DNAH8: variants seen among roughly 807,000 people sequenced by gnomAD.
DNAH8 encodes dynein axonemal heavy chain 8.
DNAH8 carries 382 observed loss-of-function variants against 562.1 expected under a neutral mutation model. The ratio of observed to expected loss-of-function variants is 0.68; its 90% CI spans 0.63 to 0.74. DNAH8 has a LOEUF of 0.74. Ranked by LOEUF, DNAH8 falls within the 30% of genes least tolerant of loss-of-function variation. The pLI is 0.00. For missense variants in DNAH8, 5,203 were observed against 5,620.4 expected (o/e 0.93, Z 2.37); for synonymous variants, 1,881 against 1,919.4 (o/e 0.98, Z 0.52).
At chr6:39,017,341 T>G (rs1027794602) in intron 91 of DNAH8, among the ~76,000 whole-genome samples, 2 of 152,206 alleles carry the variant, frequency 1.3e-5, no homozygotes, top group Admixed American at 6.5e-5. Flanking sequence ...TGTGTGTACA[T>G]GTCTGTGCTG....
Position 38,791,216 on chromosome 6 carries a change from C to A in DNAH8, c.2782-339C>A, listed in dbSNP as rs188638233. On this transcript the variant is annotated intron_variant, in intron 20 of 92. Coordinates refer to ENST00000327475, the MANE Select transcript of DNAH8 (RefSeq NM_001206927.2). The stretch of plus-strand genomic sequence containing the variant: ...CCTGGGTAGGATTCTCTGCCTGTTA[C>A]TAGCTATGTGTTCCTTCCCAGGTTG... Among the ~76,000 whole-genome samples, 24 of 152,284 alleles carry A rather than the reference C, an allele frequency of 1.6e-4. No individual in the cohort carries two copies. In the East Asian group the frequency reaches 3.7e-3, roughly 23 times the overall value.
intron 88 of DNAH8, among the ~76,000 whole-genome samples, chr6:38,994,041 C>T (rs9357294): frequency 0.43 from 61,728 of 142,144 alleles, 12,913 homozygotes; most frequent in East Asian, 0.61. Context: ...TGTGAGTGCC[C>T]ATTTTTTCAG....
At chr6:38,876,320 G>T (rs1203025321) in intron 53 of DNAH8, among the ~76,000 whole-genome samples, 1 of 151,850 alleles carries the variant, frequency 6.6e-6, no homozygotes, top group East Asian at 2.0e-4. Flanking sequence ...CTCCTTAAAA[G>T]AAATGCCTTT....
chr6:38,849,810 T>G (rs1227744600), intron 37 of DNAH8, among the ~76,000 whole-genome samples: 2 of 152,172 alleles, frequency 1.3e-5, no homozygotes, highest in African/African-American at 4.8e-5. Flanking sequence ...GTGGCTTTAC[T>G]GTCTTTTTTC....
rs375687323 is a variant in DNAH8 at position 38,805,487 on chromosome 6, G to A, written c.3041G>A (p.Arg1014Gln). 105 of 1,600,024 alleles carry A rather than the reference G, an allele frequency of 6.6e-5. No individual in the cohort carries two copies. The highest frequency in any genetic ancestry group is 3.0e-4 in the South Asian group (27 of 90,722). Residue 1014 changes from arginine (R) to glutamine (Q), a missense_variant, in exon 23 of 93, where the codon CGG becomes CAG. Around this residue, in one of 6 missense-constraint regions of DNAH8, gnomAD observed 2,176 missense variants for 2,365.1 expected, o/e 0.92. Coordinates refer to ENST00000327475, the MANE Select transcript of DNAH8 (RefSeq NM_001206927.2). ...TTTTGTCTTTTGTCTATAGAACAGC[G>A]GAAACACGTTGTTTTTGGAAGTGAA... ...TGKVGKQSEQ[R>Q]KHVVFGSETG...
intron 9 of DNAH8, among the ~76,000 whole-genome samples, chr6:38,751,803 T>C (rs1765480181): frequency 6.6e-6 from 1 of 152,210 alleles, no homozygotes; most frequent in Admixed American, 6.5e-5. Context: ...CTAGTAGTTA[T>C]TGAGAACTTA....
At chr6:38,888,288 A>G (rs1393937110) in intron 57 of DNAH8, among the ~76,000 whole-genome samples, 2 of 152,216 alleles carry the variant, frequency 1.3e-5, no homozygotes, top group African/African-American at 4.8e-5. Context: ...GCTGTAAAAC[A>G]TTTGGAAGAA....
At chr6:38,874,063 TTTCTTTTTCTTTC>T (rs1486015864) in intron 52 of DNAH8, among the ~76,000 whole-genome samples, 2 of 23,466 alleles carry the variant, frequency 8.5e-5, no homozygotes, top group Non-Finnish European at 1.7e-4. Flanking sequence ...TCTTTCTTTC[TTTCTTTTTCTTTC>T]TTTCTTTCTT....
At chr6:38,792,451 G>T (rs1387295060) in intron 21 of DNAH8, among the ~76,000 whole-genome samples, 11 of 152,086 alleles carry the variant, frequency 7.2e-5, no homozygotes, top group African/African-American at 2.4e-4. Flanking sequence ...TCTAGGTCAG[G>T]TCGTTACTGC....
In DNAH8 at chr6:38,937,991, G is replaced by C. The variant is rs1219964235; in HGVS notation, c.11581G>C (p.Glu3861Gln). 6.2e-7 allele frequency: 1 copy of C among 1,613,502 alleles called. No individual in the cohort carries two copies. Among genetic ancestry groups the C allele is most frequent in the African/African-American group, 1.3e-5 (1 of 74,738 alleles). ...AATTTCAGGCTCATTGGTAGATGAC[G>C]AATCTCTCATTGGTGTACTTCGAAC... ...SATKGSLVDD[E>Q]SLIGVLRTTK... is the part of the protein sequence containing the mutation. Residue 3861 changes from glutamate (E) to glutamine (Q), a missense_variant, in exon 78 of 93, where the codon GAA becomes CAA. Physicochemically the swap from Glu to Gln is conservative, Grantham distance 29 (BLOSUM62 2). Around this residue, in one of 6 missense-constraint regions of DNAH8, gnomAD observed 1,399 missense variants for 1,518.4 expected, o/e 0.92. Transcript: ENST00000327475.
intron 88 of DNAH8, among the ~76,000 whole-genome samples, chr6:38,996,769 A>T (rs559506867): frequency 8.5e-5 from 13 of 152,192 alleles, no homozygotes; most frequent in Non-Finnish European, 1.9e-4. Flanking sequence ...TCTTGCTGCA[A>T]ACTGGTGTGT....
At position 38,915,208 on chromosome 6, in the gene DNAH8, C is replaced by T; in HGVS notation, c.9971C>T (p.Ala3324Val). The T allele has an allele frequency of 6.3e-7, 1 of 1,598,684 alleles. No homozygotes were observed. The highest frequency in any genetic ancestry group is 2.3e-5 in the East Asian group (1 of 43,984). ...VASIKADEVLAEVTVSAQASA... is the reference protein window; with the variant it reads ...VASIKADEVLVEVTVSAQASA... ...GTTTCCTCAACTTAACAGGTATTAG[C>T]AGAAGTCACAGTAAGCGCTCAGGCT... The change falls in exon 68 of 93, where the codon GCA becomes GTA. Residue 3324 changes from alanine to valine, a missense_variant. Transcript: ENST00000327475.
At chr6:38,958,294 C>A (rs958417988) in intron 82 of DNAH8, among the ~76,000 whole-genome samples, 1 of 151,530 alleles carries the variant, frequency 6.6e-6, no homozygotes, top group Non-Finnish European at 1.5e-5. Context: ...CGTGAGCCAC[C>A]GCGCCCGGCC....
rs1274568045 is a variant in DNAH8 at position 38,870,418 on chromosome 6, C to G, written c.6846C>G (p.Pro2282=). 1.9e-6 allele frequency: 3 copies of G among 1,613,524 alleles called. No individual in the cohort carries two copies. In the South Asian group the frequency reaches 3.3e-5, roughly 18 times the overall value. ...NLSKLVDEDE[P]LFLSLINDLF... ...CACCTTAGGTTGATGAAGATGAACCCCTGTTCCTCAGCTTAATCAATGACC... is the reference window on the plus strand; with the variant it reads ...CACCTTAGGTTGATGAAGATGAACCGCTGTTCCTCAGCTTAATCAATGACC... Residue 2282 remains proline, a synonymous_variant, in exon 49 of 93, where the codon CCC becomes CCG. Coordinates refer to ENST00000327475, the MANE Select transcript of DNAH8 (RefSeq NM_001206927.2).
intron 13 of DNAH8, among the ~76,000 whole-genome samples, chr6:38,777,177 T>G (rs570041178): frequency 1.1e-4 from 17 of 152,284 alleles, no homozygotes; most frequent in African/African-American, 4.1e-4. Context: ...TATATTTTAA[T>G]TATTACTTTT....
In DNAH8 at chr6:38,982,325, C is replaced by G. The variant is rs370491956; in HGVS notation, c.12835-21C>G. ...TGGAATCAGGTACATGCAATACTTA[C>G]TTTTCTTTGGTGTTTTTAAGGAGCG... On this transcript the variant is annotated intron_variant, in intron 85 of 92. Coordinates refer to ENST00000327475, the MANE Select transcript of DNAH8 (RefSeq NM_001206927.2). 44 of 1,111,608 alleles carry G rather than the reference C, an allele frequency of 4.0e-5. No individual in the cohort carries two copies. In the African/African-American group the frequency reaches 4.6e-4, roughly 12 times the overall value. The allele number at this position is 1,111,608 out of a possible 1,614,324, so 68.9% of individuals were successfully genotyped here.
In DNAH8 at chr6:38,924,507, C is replaced by CG. The variant is rs546860217; in HGVS notation, c.10962+345_10962+346insG. Among the ~76,000 whole-genome samples, 863 of 151,724 alleles carry CG rather than the reference C, an allele frequency of 5.7e-3. 4 individuals are homozygous for CG. The highest frequency in any genetic ancestry group is 9.0e-3 in the Non-Finnish European group (611 of 67,884). Reference sequence around the variant, plus strand: ...CAACAAGAGAGAAACTCCATCCCCCCCCCAAAAAAAAGAAACCCAGGTTCA... The same window carrying CG: ...CAACAAGAGAGAAACTCCATCCCCCCGCCCAAAAAAAAGAAACCCAGGTTCA... On this transcript the variant is annotated intron_variant, in intron 73 of 92. Coordinates refer to ENST00000327475, the MANE Select transcript of DNAH8 (RefSeq NM_001206927.2).
intron 73 of DNAH8, 131 bp downstream of exon 73, chr6:38,924,293 A>G (rs1003560683): frequency 2.1e-5 from 17 of 821,744 alleles, no homozygotes; most frequent in Non-Finnish European, 3.0e-5. Flanking sequence ...AGGGCAGATC[A>G]TGAGGTCAGG....
intron 82 of DNAH8, among the ~76,000 whole-genome samples, chr6:38,966,058 G>A (rs1447681791): frequency 6.6e-6 from 1 of 152,104 alleles, no homozygotes; most frequent in Non-Finnish European, 1.5e-5. Context: ...GAATCAAGAA[G>A]TCAAAGGTAT....
Sources: gnomAD v4.1 joint callset for allele counts (sites outside exome capture counted in the v4.1 genomes callset) on GRCh38, gnomAD v4.1.1 for gene constraint, gnomAD v4.1.1 regional missense constraint, MANE v1.5 for transcripts, NCBI Gene and HGNC (gene_info 2026-07-23, HGNC 2026-07-21) for gene names.